BPIFA1: variants seen among roughly 807,000 people sequenced by gnomAD.
BPIFA1 encodes BPI fold-containing family A member 1.
Under a neutral mutation model 25.1 loss-of-function variants are expected in BPIFA1, and 24 were observed. That is an observed-to-expected ratio of 0.96 (90% CI 0.69 to 1.35). BPIFA1 has a LOEUF of 1.35. BPIFA1 is among the 40% of genes most tolerant of loss of function. BPIFA1 has a pLI of 0.00. For missense variants in BPIFA1, 344 were observed against 303.7 expected (o/e 1.13, Z -0.99); for synonymous variants, 139 against 131.8 (o/e 1.05, Z -0.37).
In BPIFA1 at chr20:33,238,045, C is replaced by A; in HGVS notation, c.161-10C>A. The A allele has an allele frequency of 6.2e-7, 1 of 1,611,022 alleles. No individual in the cohort carries two copies. The highest frequency in any genetic ancestry group is 8.5e-7 in the Non-Finnish European group (1 of 1,178,760). On this transcript the variant is annotated splice_polypyrimidine_tract_variant and intron_variant, in intron 2 of 8. Coordinates refer to ENST00000354297, the MANE Select transcript of BPIFA1 (RefSeq NM_130852.3). ...ATCTGACCCCCAGAGACCCTTACAC[C>A]CATTTCCAGCCCTCAGCAATGGCCT...
In BPIFA1 at chr20:33,241,486, G is replaced by A. The variant is rs776460364; in HGVS notation, c.666+17G>A. 3.1e-6 allele frequency: 5 copies of A among 1,595,566 alleles called. No homozygotes were observed. The highest frequency in any genetic ancestry group is 1.3e-5 in the African/African-American group (1 of 74,626). ...CAGGGCAACGTAAGTAGGCAAGGTG[G>A]GGATCCCCTGATCCTCAGGTTTTAG... On this transcript the variant is annotated intron_variant, in intron 6 of 8. Transcript: ENST00000354297.
intron 5 of BPIFA1, among the ~76,000 whole-genome samples, chr20:33,240,828 C>T (rs1165072773): frequency 6.6e-6 from 1 of 152,100 alleles, no homozygotes; most frequent in East Asian, 1.9e-4. Context: ...TAGTGCTTCT[C>T]CAATTTAGTT....
intron 3 of BPIFA1, among the ~76,000 whole-genome samples, chr20:33,238,476 T>C (rs1241683256): frequency 6.6e-6 from 1 of 152,184 alleles, no homozygotes; most frequent in African/African-American, 2.4e-5. Context: ...TTGAGGTCGA[T>C]TTAATAATCT....
In BPIFA1 at chr20:33,238,050, T is replaced by C; in HGVS notation, c.161-5T>C. ...ACCCCCAGAGACCCTTACACCCATTTCCAGCCCTCAGCAATGGCCTGCTGT... is the reference window on the plus strand; with the variant it reads ...ACCCCCAGAGACCCTTACACCCATTCCCAGCCCTCAGCAATGGCCTGCTGT... On this transcript the variant is annotated splice_region_variant and splice_polypyrimidine_tract_variant and intron_variant, in intron 2 of 8. Transcript: ENST00000354297. The C allele has an allele frequency of 6.2e-7, 1 of 1,612,248 alleles. No homozygotes were observed. The highest frequency in any genetic ancestry group is 1.7e-5 in the Admixed American group (1 of 59,870).
intron 3 of BPIFA1, among the ~76,000 whole-genome samples, 185 bp from the exon 4 acceptor site, chr20:33,239,618 G>A (rs1268502477): frequency 1.3e-5 from 2 of 152,192 alleles, no homozygotes; most frequent in Non-Finnish European, 2.9e-5. Flanking sequence ...CCAGGGCAGA[G>A]GCTGGAAAAG....
chr20:33,237,410 T>G (rs1978728404), intron 1 of BPIFA1, among the ~76,000 whole-genome samples: 1 of 152,178 alleles, frequency 6.6e-6, no homozygotes, highest in Admixed American at 6.5e-5. Context: ...TTCTTTGGAA[T>G]GTGGTGGAGT....
intron 1 of BPIFA1, among the ~76,000 whole-genome samples, chr20:33,237,209 A>G (rs1224611205): frequency 6.6e-6 from 1 of 152,180 alleles, no homozygotes; most frequent in Non-Finnish European, 1.5e-5. Context: ...ACCTTGGGGA[A>G]AGTTACCCAC....
intron 4 of BPIFA1, 67 bp downstream of exon 4, chr20:33,239,977 C>T: frequency 6.6e-7 from 1 of 1,507,366 alleles, no homozygotes. Flanking sequence ...CCATGGTTAA[C>T]CATAACGGGG....
At chr20:33,238,299 AGCG>A in intron 3 of BPIFA1, 85 bp downstream of exon 3, 4 of 1,463,218 alleles carry the variant, frequency 2.7e-6, no homozygotes, top group African/African-American at 2.9e-5. Flanking sequence ...ACCCTGAAGC[AGCG>A]ACCCTGAAGC....
chr20:33,237,471 G>T (rs1390709019), intron 1 of BPIFA1, among the ~76,000 whole-genome samples: 2 of 152,162 alleles, frequency 1.3e-5, no homozygotes, highest in Non-Finnish European at 2.9e-5. Context: ...CCTGTGCAAT[G>T]CAGGTAACAG....
chr20:33,237,883 G>A lies in BPIFA1; in HGVS notation c.160+12G>A. 6.4e-7 allele frequency: 1 copy of A among 1,561,720 alleles called. No individual in the cohort carries two copies. Among genetic ancestry groups the A allele is most frequent in the Non-Finnish European group, 8.7e-7 (1 of 1,155,690 alleles). ...AAGCTTGACAAATGGTGAGTTTTCA[G>A]GGGTGTATGTGTGCATGTGTGTGTG... On this transcript the variant is annotated intron_variant, in intron 2 of 8. Coordinates refer to ENST00000354297, the MANE Select transcript of BPIFA1 (RefSeq NM_130852.3).
chr20:33,241,562 A>G, intron 6 of BPIFA1, 93 bp downstream of exon 6: 1 of 1,045,580 alleles, frequency 9.6e-7, no homozygotes, highest in Non-Finnish European at 1.5e-6. Flanking sequence ...CGAGTCCCTC[A>G]ATTTGATAAG....
At chr20:33,237,920 G>A (rs755543961) in intron 2 of BPIFA1, 49 bp downstream of exon 2, 9 of 1,419,658 alleles carry the variant, frequency 6.3e-6, no homozygotes, top group South Asian at 2.7e-5. Flanking sequence ...GTGTGTGTGT[G>A]TGTGTGTGTG....
intron 1 of BPIFA1, 110 bp from the exon 2 acceptor site, chr20:33,237,587 C>A: frequency 1.2e-6 from 1 of 838,088 alleles, no homozygotes; most frequent in South Asian, 4.0e-5. Context: ...ACTAGTGACC[C>A]CCTGGTGTTC....
chr20:33,238,351 T>G, intron 3 of BPIFA1, 137 bp downstream of exon 3: 1 of 1,037,722 alleles, frequency 9.6e-7, no homozygotes, highest in Non-Finnish European at 1.4e-6. Flanking sequence ...AGGACTCAGT[T>G]CTGAGACCCA....
chr20:33,239,839 C>T lies in BPIFA1; in HGVS notation c.357C>T (p.Gly119=), dbSNP rs375711911. The T allele has an allele frequency of 3.7e-6, 6 of 1,614,072 alleles. No individual in the cohort carries two copies. The African/African-American group carries it at 4.0e-5, about 11-fold the overall frequency. ...KVTDPQLLEL[G]LVQSPDGHRL... ...CTGACCCCCAGCTGCTGGAACTTGGCCTTGTGCAGAGCCCTGATGGCCACC... is the reference window on the plus strand; with the variant it reads ...CTGACCCCCAGCTGCTGGAACTTGGTCTTGTGCAGAGCCCTGATGGCCACC... The change falls in exon 4 of 9, where the codon GGC becomes GGT. Residue 119 remains glycine (G), a synonymous_variant. Transcript: ENST00000354297.
intron 3 of BPIFA1, among the ~76,000 whole-genome samples, chr20:33,239,069 G>A (rs186299910): frequency 1.7e-4 from 26 of 152,272 alleles, no homozygotes; most frequent in African/African-American, 3.4e-4. Context: ...ATCACCTGGC[G>A]CAGTGGCTGG....
At chr20:33,237,278 C>G (rs1978722647) in intron 1 of BPIFA1, among the ~76,000 whole-genome samples, 1 of 152,218 alleles carries the variant, frequency 6.6e-6, no homozygotes, top group South Asian at 2.1e-4. Context: ...AAACTCCCAA[C>G]TGCAAACTCA....
chr20:33,242,253 C>T, intron 7 of BPIFA1, 134 bp downstream of exon 7: 1 of 1,039,458 alleles, frequency 9.6e-7, no homozygotes, highest in Non-Finnish European at 1.5e-6. Flanking sequence ...CTTCATTTTC[C>T]CCCGAATAAT....
Sources: gnomAD v4.1 joint callset for allele counts (sites outside exome capture counted in the v4.1 genomes callset) on GRCh38, gnomAD v4.1.1 for gene constraint, MANE v1.5 for transcripts, NCBI Gene and HGNC (gene_info 2026-07-23, HGNC 2026-07-21) for gene names.